The following TMPRSS2 variants were observed in gnomAD, a reference collection of about 807,000 sequenced individuals.
TMPRSS2 encodes transmembrane serine protease 2, also known as transmembrane protease serine 2.
TMPRSS2 carries 59 observed loss-of-function variants against 67.4 expected under a neutral mutation model. The ratio of observed to expected loss-of-function variants is 0.88; its 90% CI spans 0.71 to 1.09. TMPRSS2 has a LOEUF of 1.09. Among genes scored for constraint, TMPRSS2 ranks in the 50% least tolerant of loss-of-function variants. The pLI is 0.00. For missense variants in TMPRSS2, 668 were observed against 642.7 expected, an observed-to-expected ratio of 1.04 and a Z score of -0.43; for synonymous variants, 257 against 257.0, an observed-to-expected ratio of 1.00 and a Z score of 0.00.
At chr21:41,471,312 A>G (rs1216372116) in intron 10 of TMPRSS2, among the ~76,000 whole-genome samples, 1 of 152,254 alleles carries the variant, frequency 6.6e-6, no homozygotes, top group African/African-American at 2.4e-5. Context: ...TTTAGAATGT[A>G]TCTTTAAAAA....
chr21:41,504,576 C>A (rs961480245), intron 1 of TMPRSS2, among the ~76,000 whole-genome samples: 2 of 152,208 alleles, frequency 1.3e-5, no homozygotes, highest in African/African-American at 2.4e-5. Flanking sequence ...CCTCCTGGAG[C>A]CCAGCCTCTG....
intron 13 of TMPRSS2, among the ~76,000 whole-genome samples, chr21:41,466,763 G>A (rs1355736466): frequency 6.6e-6 from 1 of 152,244 alleles, no homozygotes; most frequent in Non-Finnish European, 1.5e-5. Flanking sequence ...AGATTTGGGA[G>A]AAGACAGAAT....
chr21:41,489,202 C>G lies in TMPRSS2; in HGVS notation c.325+305G>C, dbSNP rs532082574. Among the ~76,000 whole-genome samples, 12 of 152,288 alleles carry G rather than the reference C, an allele frequency of 7.9e-5. No homozygotes were observed. In the South Asian group the frequency reaches 2.1e-3, roughly 26 times the overall value. The stretch of plus-strand genomic sequence containing the variant: ...GGGACATGGAGGGGTGGGCCTGGTC[C>G]CCAACAGCCACTGCTGTGCAGTGAG... On this transcript the variant is annotated intron_variant, in intron 4 of 13. Coordinates refer to ENST00000332149, the MANE Select transcript of TMPRSS2 (RefSeq NM_005656.4).
chr21:41,483,028 C>T (rs751649087), intron 5 of TMPRSS2, among the ~76,000 whole-genome samples: 7 of 152,130 alleles, frequency 4.6e-5, no homozygotes, highest in Non-Finnish European at 7.3e-5. Flanking sequence ...TGTGGCTGTA[C>T]AGCATTATGC....
chr21:41,479,207 G>C lies in TMPRSS2; in HGVS notation c.648C>G (p.Ala216=). The part of the protein sequence containing the change: ...STSFMKLNTS[A]GNVDIYKKLY... ...GTTTTTTATAGATATCGACATTGCC[G>C]GCACTTGTGTTCAGTTTCATAAAGC... Residue 216 remains alanine (A), a synonymous_variant, in exon 7 of 14, where the codon GCC becomes GCG. Transcript: ENST00000332149. 2 of 1,613,922 alleles carry C rather than the reference G, an allele frequency of 1.2e-6. No homozygotes were observed. The highest frequency in any genetic ancestry group is 2.2e-5 in the South Asian group (2 of 91,072).
rs2146416211 is a variant in TMPRSS2, at chr21:41,466,100, T to C, written c.*42A>G. 1.2e-6 allele frequency: 2 copies of C among 1,613,056 alleles called. No individual in the cohort carries two copies. Among genetic ancestry groups the C allele is most frequent in the Non-Finnish European group, 1.7e-6 (2 of 1,179,312 alleles). On this transcript the variant is annotated 3_prime_UTR_variant, in exon 14 of 14. Coordinates refer to ENST00000332149, the MANE Select transcript of TMPRSS2 (RefSeq NM_005656.4). Reference sequence around the variant, plus strand: ...CACGGGGAAGCAAAACCAGCCCCATTGTTTTCTTGTAAAACGACGTCAAGG... The same window carrying C: ...CACGGGGAAGCAAAACCAGCCCCATCGTTTTCTTGTAAAACGACGTCAAGG...
Position 41,473,384 on chromosome 21 carries a change from C to A in TMPRSS2, c.840G>T (p.Val280=). 1.2e-6 allele frequency: 2 copies of A among 1,610,174 alleles called. No homozygotes were observed. Among genetic ancestry groups the A allele is most frequent in the Non-Finnish European group, 1.7e-6 (2 of 1,179,258 alleles). Residue 280 remains valine (V), a synonymous_variant, in exon 9 of 14, where the codon GTG becomes GTT. Transcript: ENST00000332149. ...CGGGGGTGATGATGGAGCCTCCGCACACGTGGACGTTCTGGACGTGCAGGC... is the reference window on the plus strand; with the variant it reads ...CGGGGGTGATGATGGAGCCTCCGCAAACGTGGACGTTCTGGACGTGCAGGC... The part of the protein sequence containing the change: ...QVSLHVQNVH[V]CGGSIITPEW...
intron 1 of TMPRSS2, among the ~76,000 whole-genome samples, chr21:41,504,545 G>T (rs745499969): frequency 6.6e-6 from 1 of 152,184 alleles, no homozygotes; most frequent in Non-Finnish European, 1.5e-5. Flanking sequence ...GAATAACCAA[G>T]TCCCAGATCA....
At chr21:41,498,335 A>G (rs11701576) in intron 1 of TMPRSS2, 146 bp from the exon 2 acceptor site, 62,611 of 593,744 alleles carry the variant, frequency 0.11, 4,349 homozygotes, top group East Asian at 0.28. Context: ...CTGCATCTTC[A>G]CCACTGCTTC....
chr21:41,494,317 C>G (rs767165269), intron 3 of TMPRSS2, 39 bp downstream of exon 3: 1 of 1,606,616 alleles, frequency 6.2e-7, no homozygotes, highest in Non-Finnish European at 8.5e-7. Flanking sequence ...CCCGGGACCC[C>G]GGGTTTATTA....
In TMPRSS2 at chr21:41,467,826, T is replaced by G; in HGVS notation, c.1375A>C (p.Thr459Pro). The G allele has an allele frequency of 6.2e-7, 1 of 1,614,236 alleles. No homozygotes were observed. Among genetic ancestry groups the G allele is most frequent in the Non-Finnish European group, 8.5e-7 (1 of 1,180,040 alleles). ...TTGGCACAGCCAGAACCCCAGCTTG[T>G]ATCCCCTATCAGCCACCAGATATTG... ...KNNIWWLIGD[T>P]SWGSGCAKAY... is the part of the protein sequence containing the mutation. The change falls in exon 13 of 14, where the codon ACA becomes CCA. Residue 459 changes from threonine (T) to proline (P), a missense_variant. By Grantham distance (38) the Thr-to-Pro change is conservative (BLOSUM62 -1). Transcript: ENST00000332149.
Position 41,489,566 on chromosome 21 carries a change from A to T in TMPRSS2, c.266T>A (p.Leu89Ter). The T allele has an allele frequency of 6.2e-7, 1 of 1,614,160 alleles. No individual in the cohort carries two copies. Among genetic ancestry groups the T allele is most frequent in the Non-Finnish European group, 8.5e-7 (1 of 1,179,992 alleles). The change falls in exon 4 of 14, where the codon TTG becomes TAG. Residue 89 changes from leucine (L) to a stop codon, truncating the protein, a stop_gained. Transcript: ENST00000332149. LOFTEE classifies it high-confidence loss of function. Reference sequence around the variant, plus strand: ...TCCCACGAGGAAGGTCCCCAGGGTCAAGGTGATGCACAGTGCTTTCTTAGT... The same window carrying T: ...TCCCACGAGGAAGGTCCCCAGGGTCTAGGTGATGCACAGTGCTTTCTTAGT... ...SKTKKALCITLTLGTFLVGAA... is the reference protein window; with the variant it reads ...SKTKKALCIT
Position 41,489,530 on chromosome 21 carries a change from G to A in TMPRSS2, c.302C>T (p.Ala101Val), listed in dbSNP as rs775586470. 2.5e-6 allele frequency: 4 copies of A among 1,613,996 alleles called. No homozygotes were observed. The South Asian group carries it at 3.3e-5, about 13-fold the overall frequency. The change falls in exon 4 of 14, where the codon GCC becomes GTC. Residue 101 changes from alanine (A) to valine (V), a missense_variant. Coordinates refer to ENST00000332149, the MANE Select transcript of TMPRSS2 (RefSeq NM_005656.4). ...LGTFLVGAAL[A>V]AGLLWKFMGS... ...ACTGAACTTCCAGAGTAGGCCAGCG[G>A]CCAGCGCAGCTCCCACGAGGAAGGT...
chr21:41,467,136 C>T lies in TMPRSS2; in HGVS notation c.1467+598G>A, dbSNP rs940300550. Among the ~76,000 whole-genome samples the T allele has an allele frequency of 2.6e-5, 4 of 152,188 alleles. No individual in the cohort carries two copies. The East Asian group carries it at 7.7e-4, about 29-fold the overall frequency. On this transcript the variant is annotated intron_variant, in intron 13 of 13. Transcript: ENST00000332149. ...GGGCACCGTGGTTCACACTTGTAAT[C>T]CCAGCACTGTGGGAGGCTGAGGTGG... is the stretch of plus-strand genomic sequence containing the variant.
chr21:41,487,038 T>C (rs2091303717), intron 5 of TMPRSS2: 1 of 152,092 alleles, frequency 6.6e-6, no homozygotes, highest in South Asian at 2.1e-4. Context: ...CACTGCTGGG[T>C]TTATATCCAA....
At chr21:41,466,279 G>T in intron 13 of TMPRSS2, 126 bp from the exon 14 acceptor site, 2 of 885,216 alleles carry the variant, frequency 2.3e-6, no homozygotes, top group Non-Finnish European at 3.6e-6. Context: ...TAGCACAAAG[G>T]GATCATTCTT....
Position 41,494,567 on chromosome 21 carries a change from T to G in TMPRSS2, c.27A>C (p.Pro9=). 6.2e-7 allele frequency: 1 copy of G among 1,613,606 alleles called. No homozygotes were observed. Among genetic ancestry groups the G allele is most frequent in the Non-Finnish European group, 8.5e-7 (1 of 1,179,900 alleles). ...GGTTTTCATAGTAAGGTCCAATAGC[T>G]GGTGGTGACCCCTAAACAGTTGAAA... MALNSGSP[P]AIGPYYENHG... is the part of the protein sequence containing the mutation. The change falls in exon 3 of 14, where the codon CCA becomes CCC. Residue 9 remains proline, a synonymous_variant. Transcript: ENST00000332149.
rs533805020 is a variant in TMPRSS2 at position 41,487,626 on chromosome 21, C to T, written c.445+768G>A. On this transcript the variant is annotated intron_variant, in intron 5 of 13. Transcript: ENST00000332149. ...TGCCACAGGCATACACGTATCCAAA[C>T]ATCATGTGGTATGCCATAAATAGGA... 3.3e-5 allele frequency: 5 copies of T among 152,322 alleles called. No individual in the cohort carries two copies. The East Asian group carries it at 5.8e-4, about 18-fold the overall frequency. The allele number at this position is 152,322 out of a possible 1,614,324, so 9.4% of individuals were successfully genotyped here. A position where few individuals can be genotyped will look rare whatever the true frequency, so the allele number is the denominator to read the frequency against.
intron 13 of TMPRSS2, among the ~76,000 whole-genome samples, chr21:41,467,258 G>A (rs1297676145): frequency 7.9e-5 from 12 of 152,090 alleles, no homozygotes; most frequent in Admixed American, 3.3e-4. Context: ...GCGTGGTGGC[G>A]CATGCCTGTA....
Sources: gnomAD v4.1 joint callset for allele counts (sites outside exome capture counted in the v4.1 genomes callset) on GRCh38, gnomAD v4.1.1 for gene constraint, MANE v1.5 for transcripts, NCBI Gene and HGNC (gene_info 2026-07-23, HGNC 2026-07-21) for gene names.